CDK14: variants seen among roughly 807,000 people sequenced by gnomAD.
The protein encoded by CDK14 is cyclin dependent kinase 14.
CDK14 carries 34 observed loss-of-function variants against 60.7 expected under a neutral mutation model. The ratio of observed to expected loss-of-function variants is 0.56; its 90% CI spans 0.43 to 0.75. The LOEUF (loss-of-function observed/expected upper bound fraction) is 0.75, where lower values mean the gene tolerates loss of function less well. Among genes scored for constraint, CDK14 ranks in the 30% least tolerant of loss-of-function variants. The pLI, the probability that CDK14 is intolerant of heterozygous loss-of-function variation, is 0.00. For synonymous variants in CDK14, 197 were observed against 203.7 expected (o/e 0.97, Z 0.28); for missense variants, 482 against 564.1 (o/e 0.85, Z 1.47).
intron 12 of CDK14, among the ~76,000 whole-genome samples, chr7:91,110,609 A>T (rs974473639): frequency 1.3e-5 from 2 of 152,202 alleles, no homozygotes; most frequent in African/African-American, 4.8e-5. Context: ...TGCACCAACT[A>T]TCGCAATCAC....
At chr7:90,879,241 G>A (rs916405132) in intron 6 of CDK14, among the ~76,000 whole-genome samples, 1 of 152,136 alleles carries the variant, frequency 6.6e-6, no homozygotes, top group African/African-American at 2.4e-5. Flanking sequence ...ATATATATGT[G>A]TGTATGTTTA....
intron 2 of CDK14, among the ~76,000 whole-genome samples, chr7:90,722,166 T>G (rs770644136): frequency 1.3e-5 from 2 of 149,956 alleles, no homozygotes; most frequent in Admixed American, 1.3e-4. Context: ...TTCCATTTTC[T>G]CTTTCCCTTC....
At chr7:90,900,149 A>T (rs1034335685) in intron 7 of CDK14, among the ~76,000 whole-genome samples, 1 of 152,202 alleles carries the variant, frequency 6.6e-6, no homozygotes, top group South Asian at 2.1e-4. Flanking sequence ...TCACCTGGGA[A>T]ACTTTCTATG....
Position 91,047,385 on chromosome 7 carries a change from T to C in CDK14, c.1105+1425T>C, listed in dbSNP as rs75177931. On this transcript the variant is annotated intron_variant, in intron 11 of 14. Coordinates refer to ENST00000380050, the MANE Select transcript of CDK14 (RefSeq NM_001287135.2). ...GTTTTGGTGGGAATAGAATTTATCT[T>C]CATCAACAACATACAAAAGCATTTA... Among the ~76,000 whole-genome samples, 677 of 152,352 alleles carry C rather than the reference T, an allele frequency of 4.4e-3. 4 individuals carry two copies. The highest frequency in any genetic ancestry group is 0.015 in the African/African-American group (643 of 41,592).
chr7:90,742,839 T>C (rs963205999), intron 3 of CDK14, among the ~76,000 whole-genome samples: 1 of 151,994 alleles, frequency 6.6e-6, no homozygotes, highest in Non-Finnish European at 1.5e-5. Flanking sequence ...AAACCATTTA[T>C]TGTGTATATT....
chr7:91,169,792 C>T (rs1801457151), intron 14 of CDK14, among the ~76,000 whole-genome samples: 1 of 152,136 alleles, frequency 6.6e-6, no homozygotes, highest in Non-Finnish European at 1.5e-5. Context: ...TCAGGATATT[C>T]TTCAGGTAGA....
intron 5 of CDK14, among the ~76,000 whole-genome samples, chr7:90,793,939 A>G (rs1805937012): frequency 6.6e-6 from 1 of 152,160 alleles, no homozygotes; most frequent in African/African-American, 2.4e-5. Flanking sequence ...TAATACAATA[A>G]ACAATTGTCT....
At chr7:90,912,567 G>A (rs1295295914) in intron 7 of CDK14, among the ~76,000 whole-genome samples, 2 of 152,106 alleles carry the variant, frequency 1.3e-5, no homozygotes, top group East Asian at 3.9e-4. Context: ...ATGGTAGCTG[G>A]AAAGGATTAA....
chr7:90,646,694 A>T (rs972713956), intron 2 of CDK14, among the ~76,000 whole-genome samples: 10 of 152,096 alleles, frequency 6.6e-5, no homozygotes, highest in African/African-American at 2.4e-4. Flanking sequence ...TTAGCAATGT[A>T]TATTGAAGAG....
chr7:90,649,354 TTCCTTCCTTCCTTTCCTTCC>T (rs1563029970), intron 2 of CDK14, among the ~76,000 whole-genome samples: 34 of 48,026 alleles, frequency 7.1e-4, no homozygotes, highest in African/African-American at 1.9e-3. Flanking sequence ...CCTTCCTTCC[TTCCTTCCTTCCTTTCCTTCC>T]TTCCTTCCTT....
intron 2 of CDK14, among the ~76,000 whole-genome samples, chr7:90,694,370 A>G (rs1033957102): frequency 1.3e-5 from 2 of 152,224 alleles, no homozygotes; most frequent in Non-Finnish European, 2.9e-5. Flanking sequence ...ATGTCGTTTG[A>G]TTACAAATTA....
chr7:90,810,854 C>T (rs1439576519), intron 5 of CDK14, among the ~76,000 whole-genome samples: 13 of 151,886 alleles, frequency 8.6e-5, no homozygotes, highest in Admixed American at 7.9e-4. Flanking sequence ...CATGAGTGAA[C>T]TCCCATTCAC....
chr7:90,812,424 A>C (rs542994079), intron 5 of CDK14, among the ~76,000 whole-genome samples: 1 of 152,078 alleles, frequency 6.6e-6, no homozygotes, highest in South Asian at 2.1e-4. Context: ...CAATGAGAAC[A>C]CGTGGACACA....
At position 91,157,209 on chromosome 7, in the gene CDK14, G is replaced by A. The variant is rs191372964; in HGVS notation, c.*28+39001G>A. Among the ~76,000 whole-genome samples, 594 of 152,278 alleles carry A rather than the reference G, an allele frequency of 3.9e-3. 2 individuals carry two copies. Among genetic ancestry groups the A allele is most frequent in the Non-Finnish European group, 6.7e-3 (455 of 68,010 alleles). On this transcript the variant is annotated intron_variant, in intron 14 of 14. Coordinates refer to ENST00000380050, the MANE Select transcript of CDK14 (RefSeq NM_001287135.2). ...CAATTTCTTGCTAAAATTACGTCAT[G>A]TCTCCTTAGATTTTGGAACATGAGC...
chr7:90,644,206 C>T (rs13221994), intron 2 of CDK14, among the ~76,000 whole-genome samples: 52,715 of 152,002 alleles, frequency 0.35, 9,306 homozygotes, highest in Non-Finnish European at 0.39. Flanking sequence ...TTTCCAGTCC[C>T]CAAAACTAAG....
chr7:90,919,472 AT>A (rs977263665), intron 8 of CDK14, among the ~76,000 whole-genome samples: 1 of 152,094 alleles, frequency 6.6e-6, no homozygotes, highest in African/African-American at 2.4e-5. Flanking sequence ...TTGAAATATA[AT>A]TTTTTAAAAT....
At chr7:91,156,636 A>G (rs1302141331) in intron 14 of CDK14, among the ~76,000 whole-genome samples, 1 of 152,198 alleles carries the variant, frequency 6.6e-6, no homozygotes, top group African/African-American at 2.4e-5. Flanking sequence ...AGTCATTGCC[A>G]TCGTTTATTT....
intron 14 of CDK14, among the ~76,000 whole-genome samples, chr7:91,195,226 T>G (rs1802497495): frequency 6.6e-6 from 1 of 152,230 alleles, no homozygotes; most frequent in African/African-American, 2.4e-5. Flanking sequence ...AGTGACAAAG[T>G]TTTCTAAATT....
At chr7:90,782,728 G>A (rs896815279) in intron 4 of CDK14, among the ~76,000 whole-genome samples, 4 of 152,124 alleles carry the variant, frequency 2.6e-5, no homozygotes, top group African/African-American at 7.2e-5. Context: ...GTGAAAGGCT[G>A]TCTTATAGAG....
Sources: gnomAD v4.1 joint callset for allele counts (sites outside exome capture counted in the v4.1 genomes callset) on GRCh38, gnomAD v4.1.1 for gene constraint, MANE v1.5 for transcripts, NCBI Gene and HGNC (gene_info 2026-07-23, HGNC 2026-07-21) for gene names.